ELOVL4: variants seen among roughly 807,000 people sequenced by gnomAD.
ELOVL4 encodes ELOVL fatty acid elongase 4.
ELOVL4 carries 18 observed loss-of-function variants against 42.1 expected under a neutral mutation model. That is an observed-to-expected ratio of 0.43 (90% CI 0.30 to 0.63). The LOEUF (loss-of-function observed/expected upper bound fraction) is 0.63, where lower values mean the gene tolerates loss of function less well. Ranked by LOEUF, ELOVL4 falls within the 30% of genes least tolerant of loss-of-function variation. The pLI, the probability that ELOVL4 is intolerant of heterozygous loss-of-function variation, is 0.15. For missense variants in ELOVL4, 299 were observed against 376.2 expected, an observed-to-expected ratio of 0.79 and a Z score of 1.70; for synonymous variants, 117 against 127.0, an observed-to-expected ratio of 0.92 and a Z score of 0.53.
intron 1 of ELOVL4, among the ~76,000 whole-genome samples, chr6:79,933,412 G>T (rs1398238418): frequency 6.6e-6 from 1 of 151,922 alleles, no homozygotes; most frequent in African/African-American, 2.4e-5. Flanking sequence ...TGTGTTTTTT[G>T]TAGAGACGAG....
intron 1 of ELOVL4, among the ~76,000 whole-genome samples, chr6:79,939,040 T>C (rs780690374): frequency 2.0e-5 from 3 of 152,220 alleles, no homozygotes; most frequent in South Asian, 2.1e-4. Flanking sequence ...CTCCCAGAGT[T>C]ATTGTGAAGT....
chr6:79,922,960 C>G (rs1393274844), intron 3 of ELOVL4, among the ~76,000 whole-genome samples: 1 of 152,050 alleles, frequency 6.6e-6, no homozygotes, highest in African/African-American at 2.4e-5. Context: ...GTTAACTACT[C>G]CCAGCAACAC....
intron 4 of ELOVL4, 115 bp from the exon 5 acceptor site, chr6:79,919,662 G>T: frequency 1.1e-6 from 1 of 927,258 alleles, no homozygotes; most frequent in Non-Finnish European, 1.6e-6. Context: ...CTTGAGTACA[G>T]ATTAGAAATG....
chr6:79,933,313 C>T (rs1774483744), intron 1 of ELOVL4, among the ~76,000 whole-genome samples: 2 of 152,154 alleles, frequency 1.3e-5, no homozygotes, highest in South Asian at 4.1e-4. Flanking sequence ...TCACTGCAGC[C>T]TCCACCTCCA....
intron 1 of ELOVL4, among the ~76,000 whole-genome samples, chr6:79,928,150 G>A (rs1293285635): frequency 2.0e-5 from 3 of 151,960 alleles, no homozygotes; most frequent in South Asian, 4.1e-4. Flanking sequence ...CTATATTAGA[G>A]AAGAAACATT....
intron 3 of ELOVL4, among the ~76,000 whole-genome samples, chr6:79,922,675 A>G (rs1561984285): frequency 6.6e-6 from 1 of 152,240 alleles, no homozygotes; most frequent in Non-Finnish European, 1.5e-5. Flanking sequence ...TTCATGTGTT[A>G]GGGCCCTGTC....
intron 5 of ELOVL4, among the ~76,000 whole-genome samples, chr6:79,917,270 C>A (rs1172396930): frequency 6.6e-6 from 1 of 152,124 alleles, no homozygotes; most frequent in East Asian, 1.9e-4. Context: ...GTCCTCAGCA[C>A]AGCATCAGGA....
At chr6:79,939,712 T>C (rs151669) in intron 1 of ELOVL4, among the ~76,000 whole-genome samples, 42,938 of 151,560 alleles carry the variant, frequency 0.28, 8,220 homozygotes, top group African/African-American at 0.55. Flanking sequence ...TTTTTGTTGC[T>C]CATGTTGGTC....
At chr6:79,932,569 T>C (rs1011422041) in intron 1 of ELOVL4, among the ~76,000 whole-genome samples, 137 of 149,740 alleles carry the variant, frequency 9.1e-4, no homozygotes, top group African/African-American at 3.3e-3. Context: ...AAAAATAGAG[T>C]CCACCTGAAA....
rs564560356 is a variant in ELOVL4 at position 79,921,735 on chromosome 6, A to C, written c.431T>G (p.Phe144Cys). ...GTTGTTTTTCTTTCTCAGAATAAAA[A>C]ACACTGTGTCCAAATACTCAACTCC... The part of the protein sequence containing the change: ...SKGVEYLDTV[F>C]FILRKKNNQV... Residue 144 changes from phenylalanine (F) to cysteine (C), a missense_variant, in exon 4 of 6, where the codon TTT (phenylalanine) becomes TGT (cysteine). Coordinates refer to ENST00000369816, the MANE Select transcript of ELOVL4 (RefSeq NM_022726.4). 6.2e-7 allele frequency: 1 copy of C among 1,614,134 alleles called. No homozygotes were observed. The highest frequency in any genetic ancestry group is 8.5e-7 in the Non-Finnish European group (1 of 1,180,004).
chr6:79,926,071 A>C, intron 2 of ELOVL4, 123 bp downstream of exon 2: 1 of 875,038 alleles, frequency 1.1e-6, no homozygotes, highest in Non-Finnish European at 1.7e-6. Flanking sequence ...AATGTCAAAA[A>C]TGTACTTTTA....
intron 1 of ELOVL4, among the ~76,000 whole-genome samples, chr6:79,945,027 T>C (rs1000172372): frequency 1.9e-4 from 25 of 132,504 alleles, no homozygotes; most frequent in Non-Finnish European, 3.4e-4. Context: ...ACGAGGGGCA[T>C]AGAATGAGGG....
chr6:79,916,986 C>T, intron 5 of ELOVL4, 103 bp from the exon 6 acceptor site: 1 of 1,334,732 alleles, frequency 7.5e-7, no homozygotes, highest in East Asian at 2.5e-5. Context: ...CAAATTTTGC[C>T]ACACTGTGCA....
intron 1 of ELOVL4, among the ~76,000 whole-genome samples, chr6:79,929,498 C>T (rs139813986): frequency 4.2e-3 from 638 of 152,214 alleles, no homozygotes; most frequent in Middle Eastern, 0.01. Context: ...ACCTTGGCCT[C>T]CCAAAGTGTT....
intron 1 of ELOVL4, among the ~76,000 whole-genome samples, chr6:79,944,987 C>CAAAAAAAAAAAA (rs200726708): frequency 4.3e-5 from 4 of 92,998 alleles, no homozygotes; most frequent in Admixed American, 1.3e-4. Context: ...TGAATGAGTC[C>CAAAAAAAAAAAA]AAAAAAAAAA....
rs773564672 is a variant in ELOVL4, at chr6:79,916,706, T to C, written c.847A>G (p.Met283Val). The change falls in exon 6 of 6, where the codon ATG becomes GTG. Residue 283 changes from methionine to valine, a missense_variant. Coordinates refer to ENST00000369816, the MANE Select transcript of ELOVL4 (RefSeq NM_022726.4). Reference protein sequence around the residue: ...PKKPKAGKTAMNGISANGVSK... With the variant: ...PKKPKAGKTAVNGISANGVSK... ...ACACCATTTGCTGAAATACCATTCA[T>C]GGCTGTTTTTCCAGCTTTTGGTTTC... The C allele has an allele frequency of 2.9e-5, 47 of 1,614,208 alleles. No homozygotes were observed. Among genetic ancestry groups the C allele is most frequent in the Non-Finnish European group, 3.6e-5 (43 of 1,180,040 alleles).
At chr6:79,926,601 C>A (rs1340087810) in intron 1 of ELOVL4, among the ~76,000 whole-genome samples, 2 of 152,166 alleles carry the variant, frequency 1.3e-5, no homozygotes, top group Non-Finnish European at 2.9e-5. Flanking sequence ...ACTTATGTCA[C>A]ACATTATGTT....
At chr6:79,918,565 G>C (rs1261980486) in intron 5 of ELOVL4, among the ~76,000 whole-genome samples, 2 of 152,182 alleles carry the variant, frequency 1.3e-5, no homozygotes, top group South Asian at 2.1e-4. Context: ...TGTGCTTCCT[G>C]TTTGGTTAGC....
intron 4 of ELOVL4, among the ~76,000 whole-genome samples, chr6:79,919,981 A>C (rs958565406): frequency 3.3e-5 from 5 of 152,204 alleles, no homozygotes; most frequent in African/African-American, 1.2e-4. Context: ...CACACATTGA[A>C]TAATTCATTT....
Sources: gnomAD v4.1 joint callset for allele counts (sites outside exome capture counted in the v4.1 genomes callset) on GRCh38, gnomAD v4.1.1 for gene constraint, MANE v1.5 for transcripts, NCBI Gene and HGNC (gene_info 2026-07-23, HGNC 2026-07-21) for gene names.